The following EPHB1 variants were observed in gnomAD, a reference collection of about 807,000 sequenced individuals.
EPHB1 encodes EPH receptor B1.
A neutral mutation model predicts 94.4 loss-of-function variants in EPHB1; 30 were observed. The ratio of observed to expected loss-of-function variants is 0.32; its 90% CI spans 0.24 to 0.43. The LOEUF is 0.43. Ranked by LOEUF, EPHB1 falls within the 20% of genes least tolerant of loss-of-function variation. The pLI, the probability that EPHB1 is intolerant of heterozygous loss-of-function variation, is 1.00. For missense variants in EPHB1, 1,055 were observed against 1,308.3 expected (o/e 0.81, Z 2.99); for synonymous variants, 522 against 489.1 (o/e 1.07, Z -0.89).
chr3:134,991,465 G>A (rs1433901705), intron 3 of EPHB1, among the ~76,000 whole-genome samples: 1 of 152,166 alleles, frequency 6.6e-6, no homozygotes, highest in Non-Finnish European at 1.5e-5. Context: ...TCAGAGTGGA[G>A]ATCTGCAGTT....
At chr3:134,827,100 T>C (rs1377302876) in intron 1 of EPHB1, among the ~76,000 whole-genome samples, 3 of 152,220 alleles carry the variant, frequency 2.0e-5, no homozygotes, top group Admixed American at 2.0e-4. Context: ...CAGATTCCAT[T>C]ACTCAAGGAG....
At chr3:135,114,176 T>G (rs1422632014) in intron 4 of EPHB1, among the ~76,000 whole-genome samples, 1 of 152,190 alleles carries the variant, frequency 6.6e-6, no homozygotes, top group Non-Finnish European at 1.5e-5. Context: ...ACAGTGCACT[T>G]TCACGTACAG....
At chr3:134,865,280 T>C (rs2037350477) in intron 1 of EPHB1, among the ~76,000 whole-genome samples, 1 of 152,160 alleles carries the variant, frequency 6.6e-6, no homozygotes, top group Non-Finnish European at 1.5e-5. Context: ...ACCCATGAAA[T>C]GGATTTCATG....
chr3:135,116,086 C>T (rs1051927236), intron 4 of EPHB1, among the ~76,000 whole-genome samples: 1 of 152,148 alleles, frequency 6.6e-6, no homozygotes, highest in Non-Finnish European at 1.5e-5. Context: ...TGGTGGCACA[C>T]ACCTGTAGTC....
At position 135,015,631 on chromosome 3, in the gene EPHB1, C is replaced by T. The variant is rs182714389; in HGVS notation, c.805+63579C>T. Among the ~76,000 whole-genome samples, 36 of 152,316 alleles carry T rather than the reference C, an allele frequency of 2.4e-4. 1 individual carries two copies. The highest frequency in any genetic ancestry group is 3.1e-4 in the Non-Finnish European group (21 of 68,038). On this transcript the variant is annotated intron_variant, in intron 3 of 15. Coordinates refer to ENST00000398015, the MANE Select transcript of EPHB1 (RefSeq NM_004441.5). ...TTACCAATGACCCAGTGGCCTTTGG[C>T]ATACCCCTGAGAGCAGACAGAGATC...
intron 1 of EPHB1, among the ~76,000 whole-genome samples, chr3:134,815,700 T>C (rs1356850603): frequency 1.3e-5 from 2 of 152,210 alleles, no homozygotes; most frequent in Non-Finnish European, 2.9e-5. Flanking sequence ...TGTGGAGGGT[T>C]GGTGCAGCTG....
At chr3:135,236,649 G>A (rs533516232) in intron 12 of EPHB1, among the ~76,000 whole-genome samples, 25 of 152,082 alleles carry the variant, frequency 1.6e-4, no homozygotes, top group African/African-American at 3.6e-4. Flanking sequence ...TGATACACTC[G>A]GCCATGAACC....
intron 3 of EPHB1, among the ~76,000 whole-genome samples, chr3:134,952,628 C>T (rs1304710620): frequency 6.6e-6 from 1 of 152,206 alleles, no homozygotes; most frequent in Non-Finnish European, 1.5e-5. Flanking sequence ...GGCTCATTGC[C>T]AGGCCCTGGA....
chr3:134,947,887 C>T (rs921277802), intron 2 of EPHB1, among the ~76,000 whole-genome samples: 1 of 152,176 alleles, frequency 6.6e-6, no homozygotes, highest in Non-Finnish European at 1.5e-5. Context: ...CCCTCCTGGG[C>T]TCAAGCAATC....
At chr3:134,943,880 C>T (rs900358398) in intron 2 of EPHB1, among the ~76,000 whole-genome samples, 12 of 152,074 alleles carry the variant, frequency 7.9e-5, no homozygotes, top group African/African-American at 2.2e-4. Context: ...GGAGACCGTG[C>T]GAGCATTGTT....
At position 135,249,443 on chromosome 3, in the gene EPHB1, T is replaced by C; in HGVS notation, c.2798T>C (p.Leu933Pro). ...ATGGTCCAGTACAGGGACAGCTTCC[T>C]CACTGCTGGCTTCACCTCCCTCCAG... ...IKMVQYRDSF[L>P]TAGFTSLQLV... is the part of the protein sequence containing the mutation. The change falls in exon 15 of 16, where the codon CTC becomes CCC. Residue 933 changes from leucine (L) to proline (P), a missense_variant. By Grantham distance (98) the Leu-to-Pro change is moderately conservative. Transcript: ENST00000398015. The C allele has an allele frequency of 6.2e-7, 1 of 1,614,042 alleles. No homozygotes were observed. Among genetic ancestry groups the C allele is most frequent in the Non-Finnish European group, 8.5e-7 (1 of 1,179,896 alleles).
At chr3:135,058,239 CA>C (rs1937399411) in intron 3 of EPHB1, among the ~76,000 whole-genome samples, 1 of 152,208 alleles carries the variant, frequency 6.6e-6, no homozygotes, top group Non-Finnish European at 1.5e-5. Context: ...GCTCTAGTCA[CA>C]GTTGATGAAT....
At chr3:135,048,354 C>T (rs1051487226) in intron 3 of EPHB1, among the ~76,000 whole-genome samples, 6 of 142,164 alleles carry the variant, frequency 4.2e-5, no homozygotes, top group African/African-American at 2.7e-5. Context: ...ACTGCAGCCT[C>T]GACCTCCTGG....
intron 3 of EPHB1, among the ~76,000 whole-genome samples, chr3:135,015,505 G>A (rs371439752): frequency 3.3e-5 from 5 of 152,192 alleles, no homozygotes; most frequent in East Asian, 1.9e-4. Flanking sequence ...GCCTCCCAAA[G>A]TGCTGGGATT....
At chr3:134,933,244 G>A (rs894036426) in intron 2 of EPHB1, among the ~76,000 whole-genome samples, 5 of 152,082 alleles carry the variant, frequency 3.3e-5, no homozygotes, top group Admixed American at 1.3e-4. Flanking sequence ...GTCCTAAGAC[G>A]TCTGTCTGCA....
intron 1 of EPHB1, among the ~76,000 whole-genome samples, chr3:134,827,374 C>T (rs1017144849): frequency 1.3e-5 from 2 of 152,066 alleles, no homozygotes; most frequent in African/African-American, 2.4e-5. Context: ...CACACACACA[C>T]ACACACACAC....
intron 4 of EPHB1, among the ~76,000 whole-genome samples, chr3:135,115,207 C>G (rs1939641412): frequency 6.6e-6 from 1 of 152,194 alleles, no homozygotes; most frequent in Non-Finnish European, 1.5e-5. Context: ...AAGCTGTCCT[C>G]TCCATGACTT....
chr3:134,870,821 C>T (rs528199308), intron 1 of EPHB1, among the ~76,000 whole-genome samples: 1 of 152,376 alleles, frequency 6.6e-6, no homozygotes, highest in South Asian at 2.1e-4. Flanking sequence ...TCTGCTCCCT[C>T]TTAGCCATGT....
intron 9 of EPHB1, among the ~76,000 whole-genome samples, chr3:135,178,176 A>G (rs1466088626): frequency 6.9e-6 from 1 of 145,922 alleles, no homozygotes; most frequent in Non-Finnish European, 1.5e-5. Context: ...CCCTCAGGCC[A>G]GGCGTGGTGA....
Sources: allele counts gnomAD v4.1 joint callset (sites outside exome capture counted in the v4.1 genomes callset), GRCh38; gene constraint gnomAD v4.1.1; transcripts MANE v1.5; gene names NCBI Gene and HGNC (gene_info 2026-07-23, HGNC 2026-07-21).